ZNF324B: variants seen among roughly 807,000 people sequenced by gnomAD.
ZNF324B encodes the protein zinc finger protein 324B.
A neutral mutation model predicts 10.6 loss-of-function variants in ZNF324B; 7 were observed. That is an observed-to-expected ratio of 0.66 (90% confidence interval 0.38 to 1.24). ZNF324B has a LOEUF of 1.24. Ranked by LOEUF, ZNF324B falls within the 50% of genes most tolerant of loss-of-function variation. ZNF324B has a pLI of 0.02. For synonymous variants in ZNF324B, 316 were observed against 321.0 expected (o/e 0.98, Z 0.17); for missense variants, 640 against 764.7 (o/e 0.84, Z 1.92).
At chr19:58,437,378 C>T in the ZNF324B span, among the ~76,000 whole-genome samples, 1 of 152,220 alleles carries the variant, frequency 6.6e-6, no homozygotes, top group Non-Finnish European at 1.5e-5. Flanking sequence ...AGGGCCCCCA[C>T]CTAACATGCC....
At chr19:58,450,075 C>T (rs968030841), upstream of ZNF324B, among the ~76,000 whole-genome samples, 7 of 152,184 alleles carry the variant, frequency 4.6e-5, no homozygotes, top group African/African-American at 1.7e-4. Flanking sequence ...ACAGTTTCCC[C>T]CATACTATTC....
chr19:58,444,949 G>C, the ZNF324B span: 1 of 169,912 alleles, frequency 5.9e-6, no homozygotes, highest in Non-Finnish European at 1.2e-5. Context: ...TAAGCGCAAG[G>C]AGTGTGGTCC....
upstream of ZNF324B, among the ~76,000 whole-genome samples, chr19:58,450,972 A>T (rs768878577): frequency 6.6e-6 from 1 of 152,238 alleles, no homozygotes; most frequent in South Asian, 2.1e-4. Context: ...AGGCTGGGGA[A>T]TTACCTTCTG....
At chr19:58,428,259 TCAGGAGGACC>T in the ZNF324B span, among the ~76,000 whole-genome samples, 2 of 152,202 alleles carry the variant, frequency 1.3e-5, no homozygotes, top group African/African-American at 2.4e-5. Flanking sequence ...CCCCTAGGCC[TCAGGAGGACC>T]CAGGGAAATA....
At chr19:58,445,459 G>A in the ZNF324B span, 23 of 518,782 alleles carry the variant, frequency 4.4e-5, no homozygotes, top group South Asian at 2.9e-4. Flanking sequence ...ACTTCACCCT[G>A]GAGAAAAGCC....
chr19:58,445,540 G>A, the ZNF324B span: 1 of 513,368 alleles, frequency 1.9e-6, no homozygotes, highest in South Asian at 1.4e-5. Flanking sequence ...CACTGGCCAG[G>A]TGTGGTGGCT....
At chr19:58,430,459 G>A in the ZNF324B span, 2 of 152,224 alleles carry the variant, frequency 1.3e-5, no homozygotes, top group East Asian at 1.9e-4. Context: ...ATACAGTGCC[G>A]CCTAAGATTC....
the ZNF324B span, among the ~76,000 whole-genome samples, chr19:58,427,375 T>TCTTTCCTTTCTTTCTTTCC: frequency 2.0e-5 from 1 of 50,476 alleles, no homozygotes. Context: ...TCTTTCTTTC[T>TCTTTCCTTTCTTTCTTTCC]TTCTTTCTTT....
the ZNF324B span, chr19:58,440,039 C>T: frequency 1.8e-6 from 1 of 551,566 alleles, no homozygotes; most frequent in Non-Finnish European, 3.1e-6. Context: ...ATTAGCCGGG[C>T]ACTATGGTGC....
At chr19:58,425,621 C>T in the ZNF324B span, among the ~76,000 whole-genome samples, 3 of 152,052 alleles carry the variant, frequency 2.0e-5, no homozygotes, top group East Asian at 5.8e-4. Context: ...CAGCCGCCAC[C>T]ACCACGCCTG....
chr19:58,419,953 C>T, the ZNF324B span, among the ~76,000 whole-genome samples: 118 of 152,288 alleles, frequency 7.7e-4, no homozygotes, highest in African/African-American at 2.7e-3. Context: ...GCAGCGACTA[C>T]AGTTACACAC....
Position 58,455,617 on chromosome 19 carries a change from G to T in ZNF324B, c.673G>T (p.Gly225Cys). Residue 225 changes from glycine to cysteine, a missense_variant, in exon 4 of 4, where the codon GGC becomes TGC. By Grantham distance (159) the Gly-to-Cys change is radical (BLOSUM62 -3). Around this residue, in one of 3 missense-constraint regions of ZNF324B, gnomAD observed 345 missense variants for 387.9 expected, o/e 0.89. Transcript: ENST00000336614. This position sits in a 1 kb window ranked among gnomAD's most constrained non-coding sequence, Gnocchi z 7.0. ...AASGGRDRRMGAAWQEPHRLL... is the reference protein window; with the variant it reads ...AASGGRDRRMCAAWQEPHRLL... Reference sequence around the variant, plus strand: ...CAGTGGTGGCAGGGATCGCAGAATGGGCGCAGCTTGGCAGGAGCCTCATAG... The same window carrying T: ...CAGTGGTGGCAGGGATCGCAGAATGTGCGCAGCTTGGCAGGAGCCTCATAG... 1 of 1,614,002 alleles carries T rather than the reference G, an allele frequency of 6.2e-7. No homozygotes were observed.
the ZNF324B span, chr19:58,434,912 C>T: frequency 2.3e-5 from 37 of 1,614,026 alleles, no homozygotes; most frequent in South Asian, 1.9e-4. Flanking sequence ...TTCATAAGTG[C>T]GTCCCTGTCC....
At chr19:58,431,138 C>T in the ZNF324B span, 3 of 152,186 alleles carry the variant, frequency 2.0e-5, no homozygotes, top group African/African-American at 4.8e-5. Context: ...AAAAGGTGGT[C>T]TTCACCATAA....
chr19:58,435,174 G>C, the ZNF324B span: 1 of 1,614,030 alleles, frequency 6.2e-7, no homozygotes, highest in Non-Finnish European at 8.5e-7. Flanking sequence ...CATTCTGCTT[G>C]GGATGGGCCC....
chr19:58,437,896 C>T, the ZNF324B span: 3 of 664,376 alleles, frequency 4.5e-6, no homozygotes, highest in East Asian at 4.1e-4. Context: ...TCTCTTCCCT[C>T]TGATATCTTT....
Position 58,454,216 on chromosome 19 carries a change from T to C in ZNF324B, c.122-12T>C, listed in dbSNP as rs756741701. The stretch of plus-strand genomic sequence containing the variant: ...GACCTGGGGCTGGGCTCTCACCTGC[T>C]CCTCCTCACAGGACTCTCTACCTCC... On this transcript the variant is annotated splice_polypyrimidine_tract_variant and intron_variant, in intron 2 of 3. Coordinates refer to ENST00000336614, the MANE Select transcript of ZNF324B (RefSeq NM_207395.3). The C allele has an allele frequency of 1.1e-5, 18 of 1,597,610 alleles. No homozygotes were observed. Among genetic ancestry groups the C allele is most frequent in the Non-Finnish European group, 1.5e-5 (17 of 1,165,322 alleles).
chr19:58,447,430 T>A (rs1378942317), upstream of ZNF324B, among the ~76,000 whole-genome samples: 2 of 152,242 alleles, frequency 1.3e-5, no homozygotes, highest in African/African-American at 4.8e-5. Flanking sequence ...TTGCTATTTT[T>A]ATTTCATGCC....
At chr19:58,424,424 C>G in the ZNF324B span, among the ~76,000 whole-genome samples, 1 of 152,158 alleles carries the variant, frequency 6.6e-6, no homozygotes, top group African/African-American at 2.4e-5. Context: ...GGCAAAAGAT[C>G]TGAACAAATA....
Sources: allele counts gnomAD v4.1 joint callset (sites outside exome capture counted in the v4.1 genomes callset), GRCh38; gene constraint gnomAD v4.1.1; regional missense constraint gnomAD v4.1.1; non-coding constraint Gnocchi (gnomAD v3.1); transcripts MANE v1.5; gene names NCBI Gene and HGNC (gene_info 2026-07-23, HGNC 2026-07-21).